PCDHGA1: variants seen among roughly 807,000 people sequenced by gnomAD.
PCDHGA1 encodes the protein protocadherin gamma subfamily A, 1.
In PCDHGA1, 32 loss-of-function variants were observed where a neutral mutation model predicts 58.0. The ratio of observed to expected loss-of-function variants is 0.55; its 90% CI spans 0.42 to 0.74. The LOEUF is 0.74. PCDHGA1 is among the 30% of genes least tolerant of loss of function. The probability of loss-of-function intolerance (pLI) is 0.00; values close to 1 mark genes in which losing one functional copy is unlikely to be tolerated. For missense variants in PCDHGA1, 1,205 were observed against 1,182.3 expected (o/e 1.02, Z -0.28); for synonymous variants, 498 against 501.1 (o/e 0.99, Z 0.08).
chr5:141,372,354 C>T lies in PCDHGA1; in HGVS notation c.2421+39249C>T. The T allele has an allele frequency of 1.2e-6, 2 of 1,613,946 alleles. No individual in the cohort carries two copies. Among genetic ancestry groups the T allele is most frequent in the Non-Finnish European group, 8.5e-7 (1 of 1,179,902 alleles). On this transcript the variant is annotated intron_variant, in intron 1 of 3. Coordinates refer to ENST00000517417, the MANE Select transcript of PCDHGA1 (RefSeq NM_018912.3). ...TGTGCGTGATGGAGGACAGCAGCCT[C>T]TTTCAGCCACCGTCATGCTGCACCT...
At chr5:141,385,662 A>G (rs2090316045) in intron 1 of PCDHGA1, 11 of 492,642 alleles carry the variant, frequency 2.2e-5, no homozygotes, top group Non-Finnish European at 2.8e-5. Context: ...GTTAGCAGGA[A>G]TAAAACACAC....
In PCDHGA1 at chr5:141,339,650, C is replaced by A. The variant is rs774723964; in HGVS notation, c.2421+6545C>A. On this transcript the variant is annotated intron_variant, in intron 1 of 3. Coordinates refer to ENST00000517417, the MANE Select transcript of PCDHGA1 (RefSeq NM_018912.3). ...TGACCCAGTGCTATCTGGCACCTCCCGCATCTGCGTGAAGGTCCTGGATGC... is the reference window on the plus strand; with the variant it reads ...TGACCCAGTGCTATCTGGCACCTCCAGCATCTGCGTGAAGGTCCTGGATGC... The A allele has an allele frequency of 9.9e-6, 16 of 1,614,056 alleles. No homozygotes were observed. In the African/African-American group the frequency reaches 1.9e-4, roughly 19 times the overall value.
intron 1 of PCDHGA1, chr5:141,340,431 T>C: frequency 6.2e-7 from 1 of 1,614,248 alleles, no homozygotes; most frequent in Non-Finnish European, 8.5e-7. Flanking sequence ...AATGCTCATG[T>C]AACTTACTCT....
chr5:141,339,809 T>G, intron 1 of PCDHGA1: 1 of 1,614,188 alleles, frequency 6.2e-7, no homozygotes, highest in Non-Finnish European at 8.5e-7. Context: ...AGTGGTATAT[T>G]TTCTAGAGAA....
chr5:141,393,739 A>G (rs1589203711), intron 1 of PCDHGA1: 1 of 1,613,800 alleles, frequency 6.2e-7, no homozygotes, highest in Non-Finnish European at 8.5e-7. Flanking sequence ...AGTCTAGATT[A>G]TGAAGAATGT....
chr5:141,383,220 CATCCTGATGGAAGATAAAATGA>C (rs1561595268), intron 1 of PCDHGA1: 5 of 1,613,982 alleles, frequency 3.1e-6, no homozygotes, highest in Non-Finnish European at 4.2e-6. Flanking sequence ...TAAACTTTAA[CATCCTGATGGAAGATAAAATGA>C]ATCTTTACCC....
chr5:141,337,646 A>G (rs767744845), intron 1 of PCDHGA1, among the ~76,000 whole-genome samples: 44 of 152,240 alleles, frequency 2.9e-4, no homozygotes, highest in African/African-American at 8.4e-4. Context: ...TTGCTATTTA[A>G]TAAGTACAGA....
At chr5:141,418,815 T>A in intron 1 of PCDHGA1, 1 of 1,613,864 alleles carries the variant, frequency 6.2e-7, no homozygotes, top group East Asian at 2.2e-5. Flanking sequence ...ACGATAAACA[T>A]AGAAGCAAAA....
chr5:141,415,062 G>C, intron 1 of PCDHGA1: 1 of 1,613,426 alleles, frequency 6.2e-7, no homozygotes, highest in Non-Finnish European at 8.5e-7. Context: ...ACACGGGCGA[G>C]GTGCGCACGG....
chr5:141,499,599 C>G (rs2099792919), intron 2 of PCDHGA1, among the ~76,000 whole-genome samples: 2 of 152,102 alleles, frequency 1.3e-5, no homozygotes, highest in South Asian at 4.1e-4. Context: ...TCACCTATAT[C>G]CCTACCCTTA....
In PCDHGA1 at chr5:141,476,824, C is replaced by A; in HGVS notation, c.2422-17983C>A. On this transcript the variant is annotated intron_variant, in intron 1 of 3. Coordinates refer to ENST00000517417, the MANE Select transcript of PCDHGA1 (RefSeq NM_018912.3). This position sits in a 1 kb window ranked among gnomAD's most constrained non-coding sequence, Gnocchi z 7.6. Reference sequence around the variant, plus strand: ...TGCCTATTCACATCAAGGTGCTGGACGCGAATGACAATGCGCCTGTCTTCA... The same window carrying A: ...TGCCTATTCACATCAAGGTGCTGGAAGCGAATGACAATGCGCCTGTCTTCA... The A allele has an allele frequency of 1.2e-6, 2 of 1,613,588 alleles. No individual in the cohort carries two copies. The highest frequency in any genetic ancestry group is 1.7e-6 in the Non-Finnish European group (2 of 1,180,036).
Position 141,348,708 on chromosome 5 carries a change from A to G in PCDHGA1, c.2421+15603A>G, listed in dbSNP as rs1758166279. Among the ~76,000 whole-genome samples, 6 of 152,308 alleles carry G rather than the reference A, an allele frequency of 3.9e-5. No homozygotes were observed. The South Asian group carries it at 1.2e-3, about 32-fold the overall frequency. On this transcript the variant is annotated intron_variant, in intron 1 of 3. Coordinates refer to ENST00000517417, the MANE Select transcript of PCDHGA1 (RefSeq NM_018912.3). Reference sequence around the variant, plus strand: ...TTTTTTGAAGAATGGGCAAGAATCCACTACAACAGAAAGGGAGGAGAAGTT... The same window carrying G: ...TTTTTTGAAGAATGGGCAAGAATCCGCTACAACAGAAAGGGAGGAGAAGTT...
In PCDHGA1 at chr5:141,441,804, C is replaced by CAT. The variant is rs1189673284; in HGVS notation, c.2422-53003_2422-53002insAT. The CAT allele has an allele frequency of 6.5e-4, 249 of 382,482 alleles. 2 individuals are homozygous for CAT. Among genetic ancestry groups the CAT allele is most frequent in the African/African-American group, 4.8e-3 (221 of 45,888 alleles). 23.7% of individuals were successfully genotyped at this position (382,482 alleles called of 1,614,324 possible). The stretch of plus-strand genomic sequence containing the variant: ...CCTGAATGACAACGCACCGCGGGTG[C>CAT]TGTACCCCAGCTCTGGAGCGCAATG... On this transcript the variant is annotated intron_variant, in intron 1 of 3. Transcript: ENST00000517417.
intron 1 of PCDHGA1, chr5:141,361,653 C>G (rs757588144): frequency 6.2e-7 from 1 of 1,613,770 alleles, no homozygotes; most frequent in Non-Finnish European, 8.5e-7. Flanking sequence ...CCTACGTGTC[C>G]GTGAGCGCGC....
In PCDHGA1 at chr5:141,491,463, C is replaced by CT. The variant is rs765984397; in HGVS notation, c.2422-3343dup. The CT allele has an allele frequency of 6.2e-7, 1 of 1,614,112 alleles. No homozygotes were observed. Among genetic ancestry groups the CT allele is most frequent in the Non-Finnish European group, 8.5e-7 (1 of 1,180,010 alleles). ...GCCAGGACTCACCCTCCCCGGACTT[C>CT]TATAAGCAGTCCAGCCCCAACCTGC... On this transcript the variant is annotated intron_variant, in intron 1 of 3. Coordinates refer to ENST00000517417, the MANE Select transcript of PCDHGA1 (RefSeq NM_018912.3). This position sits in a 1 kb window ranked among gnomAD's most constrained non-coding sequence, Gnocchi z 6.9.
Position 141,489,492 on chromosome 5 carries a change from G to T in PCDHGA1, c.2422-5315G>T, listed in dbSNP as rs1258376136. On this transcript the variant is annotated intron_variant, in intron 1 of 3. Coordinates refer to ENST00000517417, the MANE Select transcript of PCDHGA1 (RefSeq NM_018912.3). The surrounding 1 kb of genome is among the most constrained non-coding windows in gnomAD (Gnocchi z 4.5). ...CCCTGAGCTTGATGAGTGGTGCCCT[G>T]GCAGTGAATCAAAAGATTGACCGAG... 1 of 1,614,042 alleles carries T rather than the reference G, an allele frequency of 6.2e-7. No individual in the cohort carries two copies. The highest frequency in any genetic ancestry group is 1.1e-5 in the South Asian group (1 of 91,078).
intron 1 of PCDHGA1, chr5:141,389,977 C>T: frequency 6.2e-7 from 1 of 1,614,054 alleles, no homozygotes; most frequent in South Asian, 1.1e-5. Flanking sequence ...GCCTTGATCT[C>T]AGTGCTCTTC....
rs113648128 is a variant in PCDHGA1, at chr5:141,491,811, C to T, written c.2422-2996C>T. ...CACTCCTCTCCGGCCGGCTTGGTCG[C>T]TGGCTGCGCTCCACCCGATTCTCGG... On this transcript the variant is annotated intron_variant, in intron 1 of 3. Transcript: ENST00000517417. The surrounding 1 kb of genome is among the most constrained non-coding windows in gnomAD (Gnocchi z 6.9). 6.7e-7 allele frequency: 1 copy of T among 1,487,262 alleles called. No homozygotes were observed. The highest frequency in any genetic ancestry group is 1.4e-5 in the African/African-American group (1 of 70,544). 92.1% of individuals were successfully genotyped at this position (1,487,262 alleles called of 1,614,324 possible).
At chr5:141,402,788 C>A in intron 1 of PCDHGA1, 1 of 937,148 alleles carries the variant, frequency 1.1e-6, no homozygotes, top group Non-Finnish European at 1.5e-6. Flanking sequence ...AGTTCTGCGG[C>A]TACACAAAAC....
Sources: gnomAD v4.1 joint callset for allele counts (sites outside exome capture counted in the v4.1 genomes callset) on GRCh38, gnomAD v4.1.1 for gene constraint, Gnocchi (gnomAD v3.1) non-coding constraint, MANE v1.5 for transcripts, NCBI Gene and HGNC (gene_info 2026-07-23, HGNC 2026-07-21) for gene names.